Variants in COMMD1 observed in about 807,000 individuals in gnomAD.
COMMD1 encodes copper metabolism domain containing 1.
Under a neutral mutation model 17.2 loss-of-function variants are expected in COMMD1, and 10 were observed. The observed-to-expected ratio is 0.58, with a 90% confidence interval of 0.36 to 0.99. The LOEUF is 0.99. Ranked by LOEUF, COMMD1 falls within the 50% of genes least tolerant of loss-of-function variation. COMMD1 has a pLI of 0.01. For synonymous variants in COMMD1, 97 were observed against 91.6 expected, an observed-to-expected ratio of 1.06 and a Z score of -0.34; for missense variants, 270 against 231.8, an observed-to-expected ratio of 1.17 and a Z score of -1.07.
At chr2:62,101,987 C>T (rs1201221044) in intron 2 of COMMD1, among the ~76,000 whole-genome samples, 1 of 152,288 alleles carries the variant, frequency 6.6e-6, no homozygotes, top group South Asian at 2.1e-4. Flanking sequence ...TTCTAACACT[C>T]AAATCATGCT....
chr2:62,128,421 G>A (rs1198553279), intron 2 of COMMD1, among the ~76,000 whole-genome samples: 1 of 152,014 alleles, frequency 6.6e-6, no homozygotes, highest in Non-Finnish European at 1.5e-5. Context: ...GAAAATCTAG[G>A]CAGTACCATT....
intron 1 of COMMD1, among the ~76,000 whole-genome samples, chr2:61,922,185 A>G (rs556115243): frequency 3.3e-5 from 5 of 152,232 alleles, no homozygotes; most frequent in Non-Finnish European, 4.4e-5. Flanking sequence ...ATGTGGAATT[A>G]TGTTTTGGAG....
chr2:62,063,222 AAAAATAAAAT>A (rs1041440442), intron 2 of COMMD1, among the ~76,000 whole-genome samples: 2 of 152,270 alleles, frequency 1.3e-5, no homozygotes, highest in Middle Eastern at 3.4e-3. Context: ...TCTCAAAAAT[AAAAATAAAAT>A]AAAATAAAAG....
At chr2:62,018,993 C>G (rs1573077068) in intron 2 of COMMD1, among the ~76,000 whole-genome samples, 1 of 149,546 alleles carries the variant, frequency 6.7e-6, no homozygotes, top group African/African-American at 2.5e-5. Context: ...TAGAAGAGAG[C>G]AAACCCACTC....
chr2:62,034,424 G>A (rs1054144308), intron 2 of COMMD1, among the ~76,000 whole-genome samples: 1 of 152,118 alleles, frequency 6.6e-6, no homozygotes, highest in Non-Finnish European at 1.5e-5. Context: ...AACCCGGGAG[G>A]CAGAGGTTGC....
chr2:62,115,856 C>G (rs5022019), intron 2 of COMMD1, among the ~76,000 whole-genome samples: 2 of 50,324 alleles, frequency 4.0e-5, no homozygotes, highest in East Asian at 9.1e-4. Flanking sequence ...TTCTTTCTTT[C>G]TTTCTTTTTT....
At chr2:62,045,559 CT>C (rs756748901) in intron 2 of COMMD1, among the ~76,000 whole-genome samples, 290 of 138,598 alleles carry the variant, frequency 2.1e-3, no homozygotes, top group Middle Eastern at 3.7e-3. Flanking sequence ...TTTCCTTCTT[CT>C]TTTTTTTTTT....
chr2:61,930,764 G>T (rs1292985319), intron 1 of COMMD1, among the ~76,000 whole-genome samples: 1 of 151,566 alleles, frequency 6.6e-6, no homozygotes, highest in African/African-American at 2.4e-5. Context: ...TAGTTGGAAG[G>T]TTGCTTGATA....
intron 2 of COMMD1, among the ~76,000 whole-genome samples, chr2:62,036,036 A>T (rs373949671): frequency 2.0e-5 from 3 of 150,648 alleles, no homozygotes; most frequent in Admixed American, 2.0e-4. Flanking sequence ...CCTGGGTGAT[A>T]GAGTGAGACC....
intron 1 of COMMD1, among the ~76,000 whole-genome samples, chr2:61,934,615 CAATT>C (rs1159300717): frequency 6.6e-6 from 1 of 151,954 alleles, no homozygotes; most frequent in Non-Finnish European, 1.5e-5. Flanking sequence ...GAAAAAATTT[CAATT>C]AATTCAATGG....
At chr2:61,963,216 CACACATATAT>C (rs1671411690) in intron 1 of COMMD1, among the ~76,000 whole-genome samples, 1 of 146,054 alleles carries the variant, frequency 6.8e-6, no homozygotes, top group Non-Finnish European at 1.5e-5. Context: ...CACACACACA[CACACATATAT>C]ACATATATAC....
At chr2:62,003,217 T>C (rs534228770) in intron 2 of COMMD1, among the ~76,000 whole-genome samples, 5 of 131,190 alleles carry the variant, frequency 3.8e-5, no homozygotes, top group African/African-American at 1.5e-4. Context: ...TGGGCAACAG[T>C]GAGGCGCTGT....
rs538781661 is a variant in COMMD1 at position 61,945,284 on chromosome 2, C to T, written c.180+39426C>T. Among the ~76,000 whole-genome samples, 10 of 152,340 alleles carry T rather than the reference C, an allele frequency of 6.6e-5. No homozygotes were observed. The South Asian group carries it at 2.1e-3, about 32-fold the overall frequency. ...CAGAAAGGAGTTAGCTGCCTTCCAT[C>T]ATTATGGAAGCAGGAAAACTTGCCT... On this transcript the variant is annotated intron_variant, in intron 1 of 2. Coordinates refer to ENST00000311832, the MANE Select transcript of COMMD1 (RefSeq NM_152516.4).
intron 2 of COMMD1, among the ~76,000 whole-genome samples, chr2:62,072,200 C>T (rs759557425): frequency 6.6e-6 from 1 of 152,080 alleles, no homozygotes; most frequent in African/African-American, 2.4e-5. Flanking sequence ...CAGACAGGGG[C>T]GGGTCCCTGG....
At chr2:61,936,385 A>G (rs1457589435) in intron 1 of COMMD1, among the ~76,000 whole-genome samples, 1 of 152,206 alleles carries the variant, frequency 6.6e-6, no homozygotes, top group African/African-American at 2.4e-5. Flanking sequence ...GCATTCGAAT[A>G]TAAGAGTAAT....
chr2:62,123,202 A>G (rs1672793505), intron 2 of COMMD1, among the ~76,000 whole-genome samples: 1 of 152,124 alleles, frequency 6.6e-6, no homozygotes, highest in Non-Finnish European at 1.5e-5. Context: ...GAAAAAAAAT[A>G]CTTTTTAAAA....
chr2:61,943,791 C>T (rs753502321), intron 1 of COMMD1, among the ~76,000 whole-genome samples: 4 of 152,098 alleles, frequency 2.6e-5, no homozygotes, highest in Non-Finnish European at 5.9e-5. Context: ...GCCGAGATCC[C>T]GCCATTGCAC....
intron 2 of COMMD1, among the ~76,000 whole-genome samples, chr2:62,047,489 G>A (rs181043456): frequency 1.3e-5 from 2 of 149,930 alleles, no homozygotes; most frequent in African/African-American, 4.9e-5. Context: ...TTTTTGAGAC[G>A]GAGTCTTTAG....
At chr2:62,115,474 A>G (rs756432389) in intron 2 of COMMD1, among the ~76,000 whole-genome samples, 1 of 152,232 alleles carries the variant, frequency 6.6e-6, no homozygotes, top group Non-Finnish European at 1.5e-5. Flanking sequence ...GAGAACATTC[A>G]ATGTGGGAAT....
Sources: gnomAD v4.1 joint callset for allele counts (sites outside exome capture counted in the v4.1 genomes callset) on GRCh38, gnomAD v4.1.1 for gene constraint, MANE v1.5 for transcripts, NCBI Gene and HGNC (gene_info 2026-07-23, HGNC 2026-07-21) for gene names.